SATL1: variants seen among roughly 807,000 people sequenced by gnomAD.
The protein encoded by SATL1 is spermidine/spermine N1-acetyl transferase like 1, also known as spermidine/spermine N(1)-acetyltransferase-like protein 1.
In SATL1, 47 loss-of-function variants were observed where a neutral mutation model predicts 51.8. The ratio of observed to expected loss-of-function variants is 0.91; its 90% CI spans 0.72 to 1.16. The LOEUF (loss-of-function observed/expected upper bound fraction) is 1.16, where lower values mean the gene tolerates loss of function less well. Among genes scored for constraint, SATL1 ranks in the 50% most tolerant of loss-of-function variants. The pLI is 0.00. For synonymous variants in SATL1, 176 were observed against 182.4 expected, an observed-to-expected ratio of 0.97 and a Z score of 0.28; for missense variants, 520 against 526.4, an observed-to-expected ratio of 0.99 and a Z score of 0.12.
At chrX:85,179,789 A>C (rs1227206180) in intron 2 of SATL1, among the ~76,000 whole-genome samples, 1 of 110,596 alleles carries the variant, frequency 9.0e-6, no homozygotes, top group African/African-American at 3.3e-5. Flanking sequence ...ATCAAGGGCA[A>C]GAAACGTTAA....
chrX:85,154,408 C>T (rs1926538088), intron 2 of SATL1, among the ~76,000 whole-genome samples: 1 of 111,910 alleles, frequency 8.9e-6, no homozygotes. Context: ...CTTCATGTTC[C>T]TAATCTATAA....
At chrX:85,239,242 T>C (rs900072391) in intron 1 of SATL1, among the ~76,000 whole-genome samples, 11 of 111,436 alleles carry the variant, frequency 9.9e-5, no homozygotes, top group African/African-American at 3.3e-4. Context: ...AGAGAAAAAT[T>C]TGAAACTGCA....
At chrX:85,233,836 TAAAG>T (rs1928428380) in intron 1 of SATL1, among the ~76,000 whole-genome samples, 1 of 111,185 alleles carries the variant, frequency 9.0e-6, no homozygotes, top group Admixed American at 9.5e-5. Flanking sequence ...TTATTGGTCT[TAAAG>T]AGGAGGCAGA....
chrX:85,181,723 C>A (rs1221650038), intron 2 of SATL1, among the ~76,000 whole-genome samples: 1 of 111,413 alleles, frequency 9.0e-6, no homozygotes, highest in African/African-American at 3.3e-5. Context: ...GTTTTCTCAC[C>A]TCTAAAAAAG....
chrX:85,203,301 G>C (rs943196141), intron 2 of SATL1, among the ~76,000 whole-genome samples: 2 of 110,558 alleles, frequency 1.8e-5, no homozygotes, highest in Admixed American at 1.9e-4. Flanking sequence ...GAATGGGAAA[G>C]GCACCCACTT....
At position 85,143,624 on chromosome X, in the gene SATL1, C is replaced by T. The variant is rs1926158852; in HGVS notation, c.-312-34344G>A. On this transcript the variant is annotated intron_variant, in intron 2 of 7. Transcript: ENST00000644105. ...AAGGCTAAGGAACTAGACAGTATTA[C>T]AAGCAAAGGTTCTGTTGTTTAAAAT... The T allele has an allele frequency of 2.7e-5, 3 of 111,725 alleles. No homozygotes were observed. In the South Asian group the frequency reaches 1.1e-3, roughly 42 times the overall value. The allele number at this position is 111,725 out of a possible 1,213,427, so 9.2% of individuals were successfully genotyped here.
rs1179854326 is a variant in SATL1 at position 85,122,620 on chromosome X, A to C, written c.-312-13340T>G. On this transcript the variant is annotated intron_variant, in intron 2 of 7. Coordinates refer to ENST00000644105, the MANE Select transcript of SATL1 (RefSeq NM_001367857.2). ...TGGAACAAATAAATAAGTGTACAAA[A>C]AAAAAGAAAAGAAGAAGAAATAAAC... 3.6e-5 allele frequency among the ~76,000 whole-genome samples: 4 copies of C among 111,952 alleles called. No homozygotes were observed. In the East Asian group the frequency reaches 1.1e-3, roughly 31 times the overall value.
intron 2 of SATL1, among the ~76,000 whole-genome samples, chrX:85,181,820 A>G (rs981481080): frequency 4.3e-4 from 48 of 111,822 alleles, no homozygotes; most frequent in African/African-American, 1.5e-3. Flanking sequence ...TCAAAATTGT[A>G]ATACAAACTA....
intron 2 of SATL1, among the ~76,000 whole-genome samples, chrX:85,161,490 A>C (rs1300841930): frequency 9.1e-6 from 1 of 110,389 alleles, no homozygotes; most frequent in Non-Finnish European, 1.9e-5. Flanking sequence ...AAAAAAAAAA[A>C]AAAAACAGAA....
At chrX:85,168,973 C>T (rs1040921727) in intron 2 of SATL1, among the ~76,000 whole-genome samples, 3 of 111,372 alleles carry the variant, frequency 2.7e-5, no homozygotes, top group Non-Finnish European at 5.7e-5. Flanking sequence ...AGGCCATACA[C>T]CTATAACCAT....
intron 2 of SATL1, among the ~76,000 whole-genome samples, chrX:85,141,449 T>C (rs1375647480): frequency 2.7e-5 from 3 of 112,105 alleles, no homozygotes; most frequent in Non-Finnish European, 5.6e-5. Flanking sequence ...ATGTGTAAGC[T>C]GAAATGTTGC....
chrX:85,240,727 T>C (rs974575232), intron 1 of SATL1, among the ~76,000 whole-genome samples: 2 of 111,222 alleles, frequency 1.8e-5, no homozygotes, highest in Non-Finnish European at 3.8e-5. Flanking sequence ...AATTTTTATA[T>C]AGTCAATGTG....
chrX:85,099,560 G>C (rs1469034453), intron 4 of SATL1, among the ~76,000 whole-genome samples: 3 of 111,301 alleles, frequency 2.7e-5, no homozygotes, highest in African/African-American at 9.8e-5. Context: ...ATAATCAAGT[G>C]TGATTTATCC....
At chrX:85,229,972 T>C (rs1198155136) in intron 1 of SATL1, among the ~76,000 whole-genome samples, 1 of 111,434 alleles carries the variant, frequency 9.0e-6, no homozygotes, top group Non-Finnish European at 1.9e-5. Flanking sequence ...GTTGGAAAAC[T>C]TAATATTGTT....
intron 2 of SATL1, among the ~76,000 whole-genome samples, chrX:85,184,664 C>T (rs73234624): frequency 0.11 from 12,397 of 111,625 alleles, 575 homozygotes; most frequent in South Asian, 0.18. Context: ...AGAATGTCTG[C>T]TTGATTCTTT....
intron 2 of SATL1, among the ~76,000 whole-genome samples, chrX:85,157,418 G>C (rs1454698260): frequency 9.0e-6 from 1 of 111,304 alleles, no homozygotes; most frequent in African/African-American, 3.3e-5. Context: ...TCTCCAAAAG[G>C]CTAAACTCTA....
At chrX:85,217,028 C>A (rs1374878210) in intron 2 of SATL1, among the ~76,000 whole-genome samples, 2 of 111,831 alleles carry the variant, frequency 1.8e-5, no homozygotes, top group Admixed American at 9.5e-5. Context: ...TTCATTCAAC[C>A]AATTCGTTAA....
chrX:85,220,995 C>T lies in SATL1; in HGVS notation c.-313+3210G>A, dbSNP rs367833922. Reference sequence around the variant, plus strand: ...CAATTGTAACTGACACCCAGTTGGTCCCCCCATATCTTACACTTGCCTCAG... The same window carrying T: ...CAATTGTAACTGACACCCAGTTGGTTCCCCCATATCTTACACTTGCCTCAG... On this transcript the variant is annotated intron_variant, in intron 2 of 7. Coordinates refer to ENST00000644105, the MANE Select transcript of SATL1 (RefSeq NM_001367857.2). Among the ~76,000 whole-genome samples, 3 of 111,046 alleles carry T rather than the reference C, an allele frequency of 2.7e-5. No individual in the cohort carries two copies. In the East Asian group the frequency reaches 8.5e-4, roughly 31 times the overall value.
chrX:85,191,447 C>T (rs1338125635), intron 2 of SATL1, among the ~76,000 whole-genome samples: 1 of 110,906 alleles, frequency 9.0e-6, no homozygotes. Context: ...CATTCAAAAT[C>T]CTCTTTTCTA....
Sources: gnomAD v4.1 joint callset for allele counts (sites outside exome capture counted in the v4.1 genomes callset) on GRCh38, gnomAD v4.1.1 for gene constraint, MANE v1.5 for transcripts, NCBI Gene and HGNC (gene_info 2026-07-23, HGNC 2026-07-21) for gene names.